Variants in REPS2 observed in about 807,000 individuals in gnomAD.
The protein encoded by REPS2 is ralBP1-associated Eps domain-containing protein 2.
Under a neutral mutation model 53.6 loss-of-function variants are expected in REPS2, and 23 were observed. That is an observed-to-expected ratio of 0.43 (90% confidence interval 0.31 to 0.61). The LOEUF is 0.61. Ranked by LOEUF, REPS2 falls within the 20% of genes least tolerant of loss-of-function variation. REPS2 has a pLI of 0.11. For missense variants in REPS2, 446 were observed against 534.9 expected (o/e 0.83, Z 1.64); for synonymous variants, 238 against 218.6 (o/e 1.09, Z -0.78).
chrX:16,952,731 ATTTT>A (rs1347176804), intron 1 of REPS2, among the ~76,000 whole-genome samples: 1 of 112,283 alleles, frequency 8.9e-6, no homozygotes, highest in Non-Finnish European at 1.9e-5. Context: ...AGGCAGAACT[ATTTT>A]TTAAAAATTT....
intron 8 of REPS2, among the ~76,000 whole-genome samples, chrX:17,056,652 G>T (rs1219135467): frequency 2.8e-5 from 3 of 107,841 alleles, no homozygotes; most frequent in Non-Finnish European, 5.8e-5. Context: ...CCGAGATCGC[G>T]CCACTGCACT....
Position 17,072,288 on chromosome X carries a change from T to G in REPS2, c.1334-1826T>G, listed in dbSNP as rs187585759. Among the ~76,000 whole-genome samples the G allele has an allele frequency of 1.4e-4, 16 of 112,807 alleles. No individual in the cohort carries two copies. In the East Asian group the frequency reaches 4.5e-3, roughly 31 times the overall value. On this transcript the variant is annotated intron_variant, in intron 11 of 17. Coordinates refer to ENST00000357277, the MANE Select transcript of REPS2 (RefSeq NM_004726.3). Reference sequence around the variant, plus strand: ...AAGTACGTTCAGTTTTTAAATTACTTTCACCTTATCTGTCCCTGTGAGAAA... The same window carrying G: ...AAGTACGTTCAGTTTTTAAATTACTGTCACCTTATCTGTCCCTGTGAGAAA...
chrX:16,992,350 G>T (rs1011183410), intron 1 of REPS2, among the ~76,000 whole-genome samples: 2 of 111,837 alleles, frequency 1.8e-5, no homozygotes, highest in African/African-American at 3.2e-5. Context: ...AGAATGGAAA[G>T]AAATTTCTGT....
At chrX:17,030,314 G>GGT (rs3222673) in intron 5 of REPS2, among the ~76,000 whole-genome samples, 10,136 of 101,582 alleles carry the variant, frequency 0.1, 446 homozygotes, top group East Asian at 0.19. Flanking sequence ...CTCAAAGAAG[G>GGT]GTGTGTGTGT....
At chrX:17,140,401 AC>A (rs1416283990) in intron 17 of REPS2, among the ~76,000 whole-genome samples, 1 of 110,434 alleles carries the variant, frequency 9.1e-6, no homozygotes, top group Non-Finnish European at 1.9e-5. Flanking sequence ...TCCTTCCCTG[AC>A]TTAACTTTTA....
At chrX:17,083,216 T>TG (rs1243430955) in intron 13 of REPS2, among the ~76,000 whole-genome samples, 1 of 108,356 alleles carries the variant, frequency 9.2e-6, no homozygotes, top group Non-Finnish European at 1.9e-5. Flanking sequence ...CCCAAATAGC[T>TG]GGGGACTACA....
intron 1 of REPS2, among the ~76,000 whole-genome samples, chrX:16,964,039 A>G (rs770828821): frequency 3.7e-5 from 4 of 108,083 alleles, no homozygotes; most frequent in Admixed American, 9.9e-5. Flanking sequence ...TATTATTATT[A>G]TTATTTTTTA....
At chrX:17,161,338 G>A in the REPS2 span, among the ~76,000 whole-genome samples, 3 of 111,642 alleles carry the variant, frequency 2.7e-5, no homozygotes, top group East Asian at 2.8e-4. Context: ...TGGATTATCC[G>A]GCAGACCCAA....
At chrX:17,108,920 T>TTA (rs2062920210) in intron 14 of REPS2, among the ~76,000 whole-genome samples, 1 of 103,720 alleles carries the variant, frequency 9.6e-6, no homozygotes, top group Non-Finnish European at 2.0e-5. Flanking sequence ...CAACAGAACT[T>TTA]TTTTTTTTTT....
chrX:17,144,613 C>T (rs1226452779), intron 17 of REPS2, among the ~76,000 whole-genome samples: 2 of 112,017 alleles, frequency 1.8e-5, no homozygotes, highest in African/African-American at 3.2e-5. Flanking sequence ...AGTCATAGCC[C>T]CTCAATTAAT....
chrX:16,968,686 G>A (rs1236702082), intron 1 of REPS2, among the ~76,000 whole-genome samples: 1 of 99,675 alleles, frequency 1.0e-5, no homozygotes, highest in Admixed American at 1.0e-4. Context: ...GCGGCTGGCC[G>A]GGCGGGGGGC....
intron 17 of REPS2, among the ~76,000 whole-genome samples, chrX:17,145,763 A>T (rs1264791568): frequency 9.0e-6 from 1 of 111,702 alleles, no homozygotes; most frequent in African/African-American, 3.3e-5. Flanking sequence ...CACAGTAGCC[A>T]GAGTGAAAAT....
intron 4 of REPS2, among the ~76,000 whole-genome samples, chrX:17,028,788 G>C (rs1301600039): frequency 8.9e-6 from 1 of 111,928 alleles, no homozygotes; most frequent in Non-Finnish European, 1.9e-5. Flanking sequence ...TTAACCTATA[G>C]AGATGAGAAA....
At chrX:17,144,473 G>C (rs779740570) in intron 17 of REPS2, among the ~76,000 whole-genome samples, 1 of 112,507 alleles carries the variant, frequency 8.9e-6, no homozygotes, top group Admixed American at 9.3e-5. Context: ...ATTCTCCTAC[G>C]TAAAATCAAG....
chrX:17,156,075 A>G (rs1460970587), downstream of REPS2, among the ~76,000 whole-genome samples: 2 of 112,135 alleles, frequency 1.8e-5, no homozygotes, highest in East Asian at 5.6e-4. Context: ...GAGCATCTCC[A>G]TGGCAAACTG....
the REPS2 span, among the ~76,000 whole-genome samples, chrX:17,164,720 C>T: frequency 9.0e-6 from 1 of 110,836 alleles, no homozygotes; most frequent in Admixed American, 9.6e-5. Flanking sequence ...CAGTCAATAA[C>T]CTAATTTTCC....
At chrX:17,017,747 C>G (rs1193953573) in intron 2 of REPS2, among the ~76,000 whole-genome samples, 1 of 111,682 alleles carries the variant, frequency 9.0e-6, no homozygotes, top group African/African-American at 3.3e-5. Flanking sequence ...GGCTCACATT[C>G]CCATGTAGCA....
At chrX:16,966,655 A>T (rs1357092913) in intron 1 of REPS2, among the ~76,000 whole-genome samples, 2 of 112,092 alleles carry the variant, frequency 1.8e-5, no homozygotes, top group African/African-American at 6.5e-5. Context: ...AGAAACTTTC[A>T]CATTTTGGAG....
At chrX:17,123,639 C>T (rs1041808860) in intron 14 of REPS2, among the ~76,000 whole-genome samples, 1 of 112,329 alleles carries the variant, frequency 8.9e-6, no homozygotes, top group Non-Finnish European at 1.9e-5. Flanking sequence ...GGGGGGTGCC[C>T]ACCAGAGATG....
Sources: gnomAD v4.1 joint callset for allele counts (sites outside exome capture counted in the v4.1 genomes callset) on GRCh38, gnomAD v4.1.1 for gene constraint, MANE v1.5 for transcripts, NCBI Gene and HGNC (gene_info 2026-07-23, HGNC 2026-07-21) for gene names.